NIP7: variants seen among roughly 807,000 people sequenced by gnomAD.
NIP7 encodes the protein nucleolar pre-rRNA processing protein NIP7.
NIP7 carries 12 observed loss-of-function variants against 20.1 expected under a neutral mutation model. That is an observed-to-expected ratio of 0.60 (90% confidence interval 0.38 to 0.97). The LOEUF is 0.97. Among genes scored for constraint, NIP7 ranks in the 50% least tolerant of loss-of-function variants. The pLI is 0.00. For missense variants in NIP7, 226 were observed against 226.6 expected (o/e 1.00, Z 0.02); for synonymous variants, 103 against 87.2 (o/e 1.18, Z -1.01).
chr16:69,341,064 T>C (rs898821877), intron 3 of NIP7, 116 bp from the exon 4 acceptor site: 21 of 876,240 alleles, frequency 2.4e-5, no homozygotes, highest in Non-Finnish European at 3.6e-5. Flanking sequence ...AACATGAGTC[T>C]CTCTGTTTCC....
chr16:69,340,076 CG>C lies in NIP7; in HGVS notation c.130del (p.Val44CysfsTer4). On this transcript the variant is annotated frameshift_variant, in exon 2 of 5. Transcript: ENST00000254940. LOFTEE classifies it high-confidence loss of function. The part of the protein sequence containing the change: ...GTYCFRLHND[R>X]VYYVSEKIMK... ...CTACTGTTTCCGTCTGCACAACGAC[CG>C]GGTGTACTATGTGAGGTGAGGCGGG... The C allele has an allele frequency of 6.2e-7, 1 of 1,614,024 alleles. No individual in the cohort carries two copies. Among genetic ancestry groups the C allele is most frequent in the Non-Finnish European group, 8.5e-7 (1 of 1,180,008 alleles).
chr16:69,340,562 C>A, intron 3 of NIP7: 1 of 539,786 alleles, frequency 1.9e-6, no homozygotes, highest in Non-Finnish European at 3.2e-6. Flanking sequence ...CCTAGGGAGA[C>A]CCAGCTAGAG....
In NIP7 at chr16:69,339,992, CTT is replaced by C; in HGVS notation, c.57-10_57-9del. The C allele has an allele frequency of 6.2e-7, 1 of 1,613,526 alleles. No individual in the cohort carries two copies. The highest frequency in any genetic ancestry group is 8.5e-7 in the Non-Finnish European group (1 of 1,180,002). ...TCGTTCGGGCGCGGTCTCCAGTCCT[CTT>C]TTTGCCCTCAGCATTGGGGAGAATC... On this transcript the variant is annotated splice_polypyrimidine_tract_variant and intron_variant, in intron 1 of 4. Coordinates refer to ENST00000254940, the MANE Select transcript of NIP7 (RefSeq NM_016101.5).
In NIP7 at chr16:69,340,322, C is replaced by A. The variant is rs1179108967; in HGVS notation, c.272C>A (p.Pro91His). The change falls in exon 3 of 5, where the codon CCT (proline) becomes CAT (histidine). Residue 91 changes from proline (P) to histidine (H), a missense_variant. By Grantham distance (77) the Pro-to-His change is moderately conservative. Transcript: ENST00000254940. ...GTCACAGCTCTGGATTACCTTGCACCTTATGCCAAGGTTTGTGGGGCGGTT... is the reference window on the plus strand; with the variant it reads ...GTCACAGCTCTGGATTACCTTGCACATTATGCCAAGGTTTGTGGGGCGGTT... ...LHVTALDYLA[P>H]YAKYKVWIKP... 1 of 1,612,428 alleles carries A rather than the reference C, an allele frequency of 6.2e-7. No homozygotes were observed. Among genetic ancestry groups the A allele is most frequent in the African/African-American group, 1.3e-5 (1 of 74,922 alleles).
At position 69,339,917 on chromosome 16, in the gene NIP7, GT is replaced by G. The variant is rs112035925; in HGVS notation, c.56+33del. ...GCGCGCGGGGCGGACGCGGGAGTGT[GT>G]GGGTGTGGTGGCCAAGGGTGGAGTG... On this transcript the variant is annotated intron_variant, in intron 1 of 4. Transcript: ENST00000254940. The G allele has an allele frequency of 3.4e-5, 55 of 1,613,418 alleles. 1 individual carries two copies. The African/African-American group carries it at 3.5e-4, about 10-fold the overall frequency.
intron 4 of NIP7, 104 bp from the exon 5 acceptor site, chr16:69,341,429 A>G: frequency 6.4e-7 from 1 of 1,573,730 alleles, no homozygotes. Flanking sequence ...TTTGAATCCC[A>G]GAAAGACCAG....
intron 1 of NIP7, 25 bp downstream of exon 1, chr16:69,339,910 GGAGT>G (rs756918893): frequency 3.7e-6 from 6 of 1,613,562 alleles, no homozygotes; most frequent in African/African-American, 1.3e-5. Flanking sequence ...GGCGGACGCG[GGAGT>G]GTGTGGGTGT....
At chr16:69,341,349 C>T (rs2012544128) in intron 4 of NIP7, 29 bp downstream of exon 4, 1 of 1,609,642 alleles carries the variant, frequency 6.2e-7, no homozygotes, top group Non-Finnish European at 8.5e-7. Flanking sequence ...TGTTACAGAA[C>T]TCAAGTACTC....
intron 3 of NIP7, chr16:69,340,591 G>A (rs2012500905): frequency 2.0e-6 from 1 of 491,184 alleles, no homozygotes; most frequent in Admixed American, 3.4e-5. Flanking sequence ...GCAAATAAGT[G>A]GCAGCAATGA....
rs1567435200 is a variant in NIP7, at chr16:69,341,542, G to T, written c.433G>T (p.Val145Leu). 1.9e-6 allele frequency: 3 copies of T among 1,613,724 alleles called. No individual in the cohort carries two copies. The highest frequency in any genetic ancestry group is 2.2e-5 in the East Asian group (1 of 44,858). The stretch of plus-strand genomic sequence containing the variant: ...TTCTTTTGAATCCCAGGGTTTTGGG[G>T]TGGCAGCCAAATCTACACAAGACTG... ...SMADIPLGFG[V>L]AAKSTQDCRK... The change falls in exon 5 of 5, where the codon GTG becomes TTG. Residue 145 changes from valine (V) to leucine (L), a missense_variant. Transcript: ENST00000254940.
Position 69,340,049 on chromosome 16 carries a change from A to T in NIP7, c.100A>T (p.Thr34Ser), listed in dbSNP as rs746997090. The change falls in exon 2 of 5, where the codon ACC becomes TCC. Residue 34 changes from threonine to serine, a missense_variant. Thr to Ser is a moderately conservative substitution (Grantham distance 58). Transcript: ENST00000254940. ...LQLLVDRPDG[T>S]YCFRLHNDRV... The stretch of plus-strand genomic sequence containing the variant: ...ACTGCTGGTGGACCGGCCCGATGGC[A>T]CCTACTGTTTCCGTCTGCACAACGA... 6.2e-7 allele frequency: 1 copy of T among 1,613,964 alleles called. No homozygotes were observed. Among genetic ancestry groups the T allele is most frequent in the Admixed American group, 1.7e-5 (1 of 60,012 alleles).
intron 3 of NIP7, 114 bp downstream of exon 3, chr16:69,340,446 C>A: frequency 7.5e-7 from 1 of 1,325,280 alleles, no homozygotes. Context: ...GGAGTTTCAG[C>A]ACATGGAGAT....
chr16:69,341,591 T>C lies in NIP7; in HGVS notation c.482T>C (p.Ile161Thr). 3.7e-6 allele frequency: 6 copies of C among 1,614,042 alleles called. No individual in the cohort carries two copies. The highest frequency in any genetic ancestry group is 5.1e-6 in the Non-Finnish European group (6 of 1,179,960). The change falls in exon 5 of 5, where the codon ATT becomes ACT. Residue 161 changes from isoleucine (I) to threonine (T), a missense_variant. Transcript: ENST00000254940. ...TGCAGAAAAGTAGACCCCATGGCGA[T>C]TGTGGTATTTCATCAAGCAGACATT... The part of the protein sequence containing the change: ...QDCRKVDPMA[I>T]VVFHQADIGE...
chr16:69,339,822 G>C lies in NIP7; in HGVS notation c.-8G>C, dbSNP rs753224087. ...ACGAGGATCCGGTGTTCCAACCCAG[G>C]GGGAAAAATGCGGCCTTTGACTGAA... On this transcript the variant is annotated 5_prime_UTR_variant, in exon 1 of 5. Coordinates refer to ENST00000254940, the MANE Select transcript of NIP7 (RefSeq NM_016101.5). 4 of 1,612,642 alleles carry C rather than the reference G, an allele frequency of 2.5e-6. No homozygotes were observed. Among genetic ancestry groups the C allele is most frequent in the African/African-American group, 1.3e-5 (1 of 75,000 alleles).
rs981085417 is a variant in NIP7 at position 69,340,145 on chromosome 16, C to T, written c.144-49C>T. ...GACCCAGGGGAGAGGGGTCCTGGGTCCCACGAGCCTCCTTCATCCGCAACC... is the reference window on the plus strand; with the variant it reads ...GACCCAGGGGAGAGGGGTCCTGGGTTCCACGAGCCTCCTTCATCCGCAACC... On this transcript the variant is annotated intron_variant, in intron 2 of 4. Transcript: ENST00000254940. 4 of 1,613,260 alleles carry T rather than the reference C, an allele frequency of 2.5e-6. No homozygotes were observed. The Admixed American group carries it at 6.7e-5, about 27-fold the overall frequency.
At chr16:69,340,978 G>A (rs2012520851) in intron 3 of NIP7, 1 of 497,360 alleles carries the variant, frequency 2.0e-6, no homozygotes, top group African/African-American at 2.0e-5. Flanking sequence ...CTCCCAAAGT[G>A]CTGGGATTAC....
chr16:69,341,422 G>T lies in NIP7; in HGVS notation c.423+102G>T, dbSNP rs2012547731. On this transcript the variant is annotated intron_variant, in intron 4 of 4. Transcript: ENST00000254940. Reference sequence around the variant, plus strand: ...AGAGAATAAATTCTCAGCACGTTTTGAATCCCAGAAAGACCAGAACTGTAT... The same window carrying T: ...AGAGAATAAATTCTCAGCACGTTTTTAATCCCAGAAAGACCAGAACTGTAT... The T allele has an allele frequency of 3.2e-6, 5 of 1,572,042 alleles. No homozygotes were observed. In the East Asian group the frequency reaches 1.1e-4, roughly 35 times the overall value.
Position 69,339,799 on chromosome 16 carries a change from G to A in NIP7, c.-31G>A. On this transcript the variant is annotated 5_prime_UTR_variant, in exon 1 of 5. Coordinates refer to ENST00000254940, the MANE Select transcript of NIP7 (RefSeq NM_016101.5). ...CTTCCGTTTCCAGTTACCAAGGCACGAGGATCCGGTGTTCCAACCCAGGGG... is the reference window on the plus strand; with the variant it reads ...CTTCCGTTTCCAGTTACCAAGGCACAAGGATCCGGTGTTCCAACCCAGGGG... 2 of 1,611,518 alleles carry A rather than the reference G, an allele frequency of 1.2e-6. No homozygotes were observed. The highest frequency in any genetic ancestry group is 1.7e-6 in the Non-Finnish European group (2 of 1,179,318).
In NIP7 at chr16:69,341,759, C is replaced by G; in HGVS notation, c.*107C>G. The G allele has an allele frequency of 1.5e-6, 2 of 1,292,206 alleles. No homozygotes were observed. The highest frequency in any genetic ancestry group is 2.2e-6 in the Non-Finnish European group (2 of 918,394). The allele number at this position is 1,292,206 out of a possible 1,614,324, so 80.0% of individuals were successfully genotyped here. A position where few individuals can be genotyped will look rare whatever the true frequency, so the allele number is the denominator to read the frequency against. On this transcript the variant is annotated 3_prime_UTR_variant, in exon 5 of 5. Transcript: ENST00000254940. ...TTGAATTTTGTCAACACTCTGGCCT[C>G]TTCAGGGACTTCTTATTTACTGTAC...
Sources: gnomAD v4.1 joint callset for allele counts on GRCh38, gnomAD v4.1.1 for gene constraint, MANE v1.5 for transcripts, NCBI Gene and HGNC (gene_info 2026-07-23, HGNC 2026-07-21) for gene names.